The following MAGEA11 variants were observed in gnomAD, a reference collection of about 807,000 sequenced individuals.
MAGEA11 encodes the protein melanoma-associated antigen 11.
MAGEA11 carries 1 observed loss-of-function variant against 8.4 expected under a neutral mutation model. That is an observed-to-expected ratio of 0.12 (90% CI 0.04 to 0.57). The LOEUF is 0.57. MAGEA11 is among the 20% of genes least tolerant of loss of function. MAGEA11 has a pLI of 0.91. For missense variants in MAGEA11, 209 were observed against 317.3 expected (o/e 0.66, Z 2.59); for synonymous variants, 127 against 119.3 (o/e 1.06, Z -0.42).
upstream of MAGEA11, chrX:149,688,699 TATACATATACAC>T (rs1569561309): frequency 5.1e-5 from 7 of 136,445 alleles, no homozygotes; most frequent in South Asian, 2.6e-4. Flanking sequence ...TACATATACA[TATACATATACAC>T]ATACACATAC....
upstream of MAGEA11, among the ~76,000 whole-genome samples, chrX:149,709,602 A>G (rs1014873704): frequency 1.8e-5 from 2 of 112,234 alleles, no homozygotes; most frequent in Admixed American, 1.9e-4. Context: ...TATCCTAAAT[A>G]AATTAATAGC....
chrX:149,709,712 A>G (rs1557361760), upstream of MAGEA11, among the ~76,000 whole-genome samples: 1 of 112,466 alleles, frequency 8.9e-6, no homozygotes, highest in Non-Finnish European at 1.9e-5. Context: ...GATTCCCTAT[A>G]TTAACAAGAT....
At chrX:149,701,707 G>T (rs1402466107) in intron 1 of MAGEA11, among the ~76,000 whole-genome samples, 2 of 110,383 alleles carry the variant, frequency 1.8e-5, no homozygotes, top group Non-Finnish European at 3.8e-5. Context: ...TAGGTCTAAC[G>T]TTTAAGTCTT....
At position 149,716,976 on chromosome X, in the gene MAGEA11, C is replaced by A; in HGVS notation, c.*200C>A. ...TGTATACTGCCTTTAGGTTTCTCTT[C>A]CATCGGGTGACTTGGAGATTTCTTT... is the stretch of plus-strand genomic sequence containing the variant. On this transcript the variant is annotated 3_prime_UTR_variant, in exon 5 of 5. Coordinates refer to ENST00000355220, the MANE Select transcript of MAGEA11 (RefSeq NM_005366.5). The A allele has an allele frequency of 2.8e-6, 1 of 353,937 alleles. No homozygotes were observed. Among genetic ancestry groups the A allele is most frequent in the Non-Finnish European group, 4.9e-6 (1 of 204,366 alleles). 29.2% of individuals were successfully genotyped at this position (353,937 alleles called of 1,213,427 possible). A position where few individuals can be genotyped will look rare whatever the true frequency, so the allele number is the denominator to read the frequency against.
chrX:149,695,330 AT>A (rs2090326410), intron 1 of MAGEA11, among the ~76,000 whole-genome samples: 1 of 110,918 alleles, frequency 9.0e-6, no homozygotes, highest in Non-Finnish European at 1.9e-5. Context: ...GCTAGGTTGC[AT>A]TTTTCCCTCC....
Position 149,716,467 on chromosome X carries a change from C to T in MAGEA11, c.981C>T (p.Asn327=), listed in dbSNP as rs199749154. ...TGGGTGTAATCTTCATGGAGGGGAA[C>T]TGCATCCCTGAAGAGGTTATGTGGG... ...IVLGVIFMEG[N]CIPEEVMWEV... Residue 327 remains asparagine, a synonymous_variant, in exon 5 of 5, where the codon AAC becomes AAT. Transcript: ENST00000355220. 1.3e-5 allele frequency: 16 copies of T among 1,211,231 alleles called. No individual in the cohort carries two copies. Among genetic ancestry groups the T allele is most frequent in the Non-Finnish European group, 1.8e-5 (16 of 894,994 alleles).
At chrX:149,708,911 C>T (rs1343081403), upstream of MAGEA11, among the ~76,000 whole-genome samples, 1 of 109,879 alleles carries the variant, frequency 9.1e-6, no homozygotes, top group Non-Finnish European at 1.9e-5. Context: ...TTTTACATGT[C>T]TGACACTTTA....
chrX:149,715,972 G>T lies in MAGEA11; in HGVS notation c.486G>T (p.Glu162Asp), dbSNP rs1557362440. Residue 162 changes from glutamate (E) to aspartate (D), a missense_variant, in exon 5 of 5, where the codon GAG (glutamate) becomes GAT (aspartate). By Grantham distance (45) the Glu-to-Asp change is conservative. This residue lies in a region of MAGEA11 where 131 missense variants were observed against 138.5 expected (regional missense o/e 0.95). Transcript: ENST00000355220. ...CTCTGAATGTGGGCACTCTAGAGGA[G>T]TTGCCTGCTGCTGAGTCACCAAGTC... is the stretch of plus-strand genomic sequence containing the variant. Reference protein sequence around the residue: ...SSTLNVGTLEELPAAESPSPP... With the variant: ...SSTLNVGTLEDLPAAESPSPP... 3.3e-6 allele frequency: 4 copies of T among 1,211,540 alleles called. No homozygotes were observed. Among genetic ancestry groups the T allele is most frequent in the Admixed American group, 4.3e-5 (2 of 46,041 alleles).
At chrX:149,690,991 A>G (rs77031818) in intron 1 of MAGEA11, among the ~76,000 whole-genome samples, 4 of 111,889 alleles carry the variant, frequency 3.6e-5, no homozygotes, top group East Asian at 2.8e-4. Context: ...TTATCTTTCA[A>G]AAGAAATCTG....
At chrX:149,703,888 G>C (rs1402219939) in intron 1 of MAGEA11, among the ~76,000 whole-genome samples, 1 of 111,853 alleles carries the variant, frequency 8.9e-6, no homozygotes, top group Non-Finnish European at 1.9e-5. Context: ...TAAACACTCT[G>C]AAGTTGTACT....
At chrX:149,689,938 C>T (rs2090303394) in intron 1 of MAGEA11, among the ~76,000 whole-genome samples, 1 of 112,056 alleles carries the variant, frequency 8.9e-6, no homozygotes, top group Non-Finnish European at 1.9e-5. Flanking sequence ...ACCCTCCCTC[C>T]CTCCAATCCA....
intron 1 of MAGEA11, among the ~76,000 whole-genome samples, chrX:149,698,144 T>C (rs2090337608): frequency 8.9e-6 from 1 of 112,367 alleles, no homozygotes; most frequent in Admixed American, 9.4e-5. Flanking sequence ...TCTTTTCCTG[T>C]CAGTATGTCT....
intron 1 of MAGEA11, among the ~76,000 whole-genome samples, chrX:149,699,192 A>G (rs1214192281): frequency 8.9e-6 from 1 of 111,926 alleles, no homozygotes; most frequent in Non-Finnish European, 1.9e-5. Context: ...CAAATAATAT[A>G]TTATTTCGCA....
Position 149,712,099 on chromosome X carries a change from T to G in MAGEA11, c.-81T>G. On this transcript the variant is annotated 5_prime_UTR_variant, in exon 1 of 5. Transcript: ENST00000355220. ...CTGGGATCTGAGAGAAGCGAAAGCG[T>G]CTTTCTGAGGGGTGTCTTGAGAGTG... 1.3e-6 allele frequency: 1 copy of G among 752,438 alleles called. No individual in the cohort carries two copies. Among genetic ancestry groups the G allele is most frequent in the Non-Finnish European group, 1.6e-6 (1 of 638,333 alleles). The allele number at this position is 752,438 out of a possible 1,213,427, so 62.0% of individuals were successfully genotyped here.
chrX:149,699,625 G>A (rs1052831979), intron 1 of MAGEA11, among the ~76,000 whole-genome samples: 1 of 111,723 alleles, frequency 9.0e-6, no homozygotes, highest in Non-Finnish European at 1.9e-5. Flanking sequence ...TGGTAAGCAC[G>A]TATGTACAGG....
intron 1 of MAGEA11, among the ~76,000 whole-genome samples, chrX:149,712,807 G>T (rs1258368837): frequency 8.9e-6 from 1 of 111,829 alleles, no homozygotes; most frequent in African/African-American, 3.3e-5. Flanking sequence ...ACCAGGGCAG[G>T]GCTGGTTGGG....
chrX:149,697,715 T>C (rs2090335635), intron 1 of MAGEA11, among the ~76,000 whole-genome samples: 1 of 111,279 alleles, frequency 9.0e-6, no homozygotes, highest in South Asian at 3.9e-4. Context: ...TTGTGCAATC[T>C]CAAAACTTGG....
intron 3 of MAGEA11, among the ~76,000 whole-genome samples, chrX:149,714,948 T>C (rs1408540888): frequency 9.1e-6 from 1 of 110,148 alleles, no homozygotes; most frequent in Non-Finnish European, 1.9e-5. Context: ...GGTAGAGCTT[T>C]GGTTTAAGGA....
intron 1 of MAGEA11, among the ~76,000 whole-genome samples, chrX:149,712,365 G>C (rs1557361996): frequency 8.9e-6 from 1 of 112,016 alleles, no homozygotes; most frequent in Admixed American, 9.3e-5. Context: ...GTGGGGCCCC[G>C]GCCTTTCCAG....
Sources: allele counts gnomAD v4.1 joint callset (sites outside exome capture counted in the v4.1 genomes callset), GRCh38; gene constraint gnomAD v4.1.1; regional missense constraint gnomAD v4.1.1; transcripts MANE v1.5; gene names NCBI Gene and HGNC (gene_info 2026-07-23, HGNC 2026-07-21).